NKAIN1: variants seen among roughly 807,000 people sequenced by gnomAD.
NKAIN1 encodes the protein sodium/potassium transporting ATPase interacting 1.
NKAIN1 carries 13 observed loss-of-function variants against 31.6 expected under a neutral mutation model. That is an observed-to-expected ratio of 0.41 (90% CI 0.27 to 0.65). NKAIN1 has a LOEUF of 0.65. Among genes scored for constraint, NKAIN1 ranks in the 30% least tolerant of loss-of-function variants. The pLI, the probability that NKAIN1 is intolerant of heterozygous loss-of-function variation, is 0.30. For missense variants in NKAIN1, 193 were observed against 262.2 expected (o/e 0.74, Z 1.82); for synonymous variants, 104 against 109.0 (o/e 0.95, Z 0.28).
chr1:31,183,738 G>T, intron 4 of NKAIN1, 79 bp downstream of exon 4: 1 of 1,468,762 alleles, frequency 6.8e-7, no homozygotes. Context: ...GTGAGCCACT[G>T]CGCCCAACCC....
intron 1 of NKAIN1, among the ~76,000 whole-genome samples, chr1:31,189,140 G>C (rs909450485): frequency 6.6e-6 from 1 of 151,978 alleles, no homozygotes; most frequent in African/African-American, 2.4e-5. Flanking sequence ...ACGGGGAGGA[G>C]AGCGAAGGCA....
chr1:31,209,280 C>T (rs779873983), intron 1 of NKAIN1, among the ~76,000 whole-genome samples: 1 of 152,012 alleles, frequency 6.6e-6, no homozygotes, highest in Non-Finnish European at 1.5e-5. Flanking sequence ...GAGGCTGAGG[C>T]AAGAGAATCA....
chr1:31,238,351 G>C (rs1645707637), intron 1 of NKAIN1, among the ~76,000 whole-genome samples: 2 of 152,184 alleles, frequency 1.3e-5, no homozygotes, highest in Admixed American at 6.5e-5. Flanking sequence ...CCCAGAACAA[G>C]GAGTCCAGCA....
intron 1 of NKAIN1, among the ~76,000 whole-genome samples, chr1:31,238,050 A>G (rs2148370768): frequency 6.6e-6 from 1 of 152,284 alleles, no homozygotes; most frequent in Middle Eastern, 3.4e-3. Context: ...TTCCCTCTGC[A>G]ATCCTCAGGG....
chr1:31,215,109 G>T (rs2148360921), intron 1 of NKAIN1, among the ~76,000 whole-genome samples: 1 of 152,270 alleles, frequency 6.6e-6, no homozygotes, highest in South Asian at 2.1e-4. Flanking sequence ...GACTTATTTA[G>T]CGGCAGCTCC....
At chr1:31,230,968 C>T (rs1172528734) in intron 1 of NKAIN1, among the ~76,000 whole-genome samples, 1 of 150,548 alleles carries the variant, frequency 6.6e-6, no homozygotes, top group East Asian at 2.0e-4. Flanking sequence ...CTGCAACCTC[C>T]GCCTCCCAGG....
intron 1 of NKAIN1, among the ~76,000 whole-genome samples, chr1:31,207,882 T>C (rs1022697193): frequency 6.6e-6 from 1 of 152,144 alleles, no homozygotes; most frequent in African/African-American, 2.4e-5. Flanking sequence ...ACATGGATAC[T>C]GAGGCCCAGG....
At chr1:31,212,890 G>A (rs949669704) in intron 1 of NKAIN1, among the ~76,000 whole-genome samples, 6 of 152,078 alleles carry the variant, frequency 3.9e-5, no homozygotes, top group Admixed American at 6.5e-5. Context: ...CCAGCTACTC[G>A]GGAGGCTGAG....
intron 1 of NKAIN1, among the ~76,000 whole-genome samples, chr1:31,221,577 A>G (rs1017478289): frequency 6.6e-6 from 1 of 151,898 alleles, no homozygotes. Flanking sequence ...CTGGGACTAC[A>G]GGCACGCGCC....
intron 1 of NKAIN1, among the ~76,000 whole-genome samples, chr1:31,215,777 A>G (rs947151678): frequency 2.0e-5 from 3 of 152,174 alleles, no homozygotes; most frequent in Non-Finnish European, 4.4e-5. Flanking sequence ...TGAGTGGTGC[A>G]TCTCTCACGA....
intron 3 of NKAIN1, among the ~76,000 whole-genome samples, chr1:31,184,523 C>A (rs1645227848): frequency 6.6e-6 from 1 of 152,098 alleles, no homozygotes; most frequent in South Asian, 2.1e-4. Context: ...GATGTGTGAC[C>A]TTATTTTATC....
At chr1:31,223,434 GTTTGTTTTGT>G (rs1156851481) in intron 1 of NKAIN1, among the ~76,000 whole-genome samples, 5 of 151,588 alleles carry the variant, frequency 3.3e-5, no homozygotes, top group Non-Finnish European at 5.9e-5. Context: ...TGCTGGTACT[GTTTGTTTTGT>G]TTTGTTTTGT....
At chr1:31,230,897 T>G (rs1645642615) in intron 1 of NKAIN1, among the ~76,000 whole-genome samples, 1 of 149,944 alleles carries the variant, frequency 6.7e-6, no homozygotes, top group Non-Finnish European at 1.5e-5. Flanking sequence ...TTTTTTTTTT[T>G]TTGAGACGGA....
At chr1:31,185,013 CT>C in intron 3 of NKAIN1, 1 of 510,946 alleles carries the variant, frequency 2.0e-6, no homozygotes. Flanking sequence ...ACTGGGACCC[CT>C]GGCTCATCTT....
intron 1 of NKAIN1, among the ~76,000 whole-genome samples, chr1:31,206,625 T>C (rs1316686534): frequency 6.6e-6 from 1 of 151,976 alleles, no homozygotes; most frequent in Non-Finnish European, 1.5e-5. Context: ...TTGGTGGAGA[T>C]GGGGTTTCAC....
chr1:31,193,073 T>A, intron 1 of NKAIN1, among the ~76,000 whole-genome samples: 1 of 150,892 alleles, frequency 6.6e-6, no homozygotes, highest in Admixed American at 6.6e-5. Flanking sequence ...ATTTTTTTAT[T>A]TTTTTATTTT....
In NKAIN1 at chr1:31,188,097, G is replaced by A. The variant is rs1645258835; in HGVS notation, c.145C>T (p.Leu49=). 6.4e-7 allele frequency: 1 copy of A among 1,553,640 alleles called. No homozygotes were observed. The highest frequency in any genetic ancestry group is 1.4e-5 in the African/African-American group (1 of 73,262). ...TACTGCACGGTGCCAAAGATGCCCAGGATGACTGCCATGATGTGCAGGAAG... is the reference window on the plus strand; with the variant it reads ...TACTGCACGGTGCCAAAGATGCCCAAGATGACTGCCATGATGTGCAGGAAG... ...ANFLHIMAVI[L]GIFGTVQYRS... is the part of the protein sequence containing the mutation. The change falls in exon 2 of 7, where the codon CTG becomes TTG. Residue 49 remains leucine (L), a synonymous_variant. Coordinates refer to ENST00000373736, the MANE Select transcript of NKAIN1 (RefSeq NM_024522.3).
At chr1:31,205,680 C>T (rs1202709078) in intron 1 of NKAIN1, among the ~76,000 whole-genome samples, 2 of 142,094 alleles carry the variant, frequency 1.4e-5, no homozygotes, top group Non-Finnish European at 1.5e-5. Flanking sequence ...TGCAGTGGCA[C>T]GATCTCGGCT....
intron 1 of NKAIN1, among the ~76,000 whole-genome samples, chr1:31,218,018 TTC>T (rs777523899): frequency 5.6e-5 from 4 of 72,014 alleles, no homozygotes; most frequent in African/African-American, 3.3e-4. Context: ...AGCTACCATT[TTC>T]TTTCTTTCTT....
Sources: gnomAD v4.1 joint callset for allele counts (sites outside exome capture counted in the v4.1 genomes callset) on GRCh38, gnomAD v4.1.1 for gene constraint, MANE v1.5 for transcripts, NCBI Gene and HGNC (gene_info 2026-07-23, HGNC 2026-07-21) for gene names.